The following GLIS3 variants were observed in gnomAD, a reference collection of about 807,000 sequenced individuals.
GLIS3 encodes the protein GLIS family zinc finger 3, also known as zinc finger protein GLIS3.
A neutral mutation model predicts 78.6 loss-of-function variants in GLIS3; 53 were observed. The ratio of observed to expected loss-of-function variants is 0.67; its 90% confidence interval spans 0.54 to 0.85. The LOEUF is 0.85. Ranked by LOEUF, GLIS3 falls within the 40% of genes least tolerant of loss-of-function variation. GLIS3 has a pLI of 0.00. For synonymous variants in GLIS3, 684 were observed against 509.9 expected, an observed-to-expected ratio of 1.34 and a Z score of -4.60; for missense variants, 1,703 against 1,231.1, an observed-to-expected ratio of 1.38 and a Z score of -5.74.
chr9:4,247,297 A>G (rs1216527661), intron 2 of GLIS3, among the ~76,000 whole-genome samples: 1 of 152,226 alleles, frequency 6.6e-6, no homozygotes, highest in African/African-American at 2.4e-5. Flanking sequence ...CGGTTGTTTT[A>G]AAACAAAAGT....
intron 2 of GLIS3, among the ~76,000 whole-genome samples, chr9:4,221,132 AACTC>A (rs1308030176): frequency 2.0e-5 from 3 of 152,190 alleles, no homozygotes; most frequent in African/African-American, 7.2e-5. Flanking sequence ...AAATGCCTAC[AACTC>A]ACTCTTGAAT....
intron 9 of GLIS3, among the ~76,000 whole-genome samples, chr9:3,835,109 G>A (rs1221628967): frequency 1.3e-5 from 2 of 152,216 alleles, no homozygotes; most frequent in African/African-American, 4.8e-5. Context: ...CATGATCTGT[G>A]TACTTAGTAG....
chr9:4,205,757 A>T (rs1483204846), intron 2 of GLIS3, among the ~76,000 whole-genome samples: 1 of 152,214 alleles, frequency 6.6e-6, no homozygotes, highest in African/African-American at 2.4e-5. Flanking sequence ...AAGCCAGTTA[A>T]AACTGTTCCA....
At chr9:3,909,146 G>A (rs1056659088) in intron 6 of GLIS3, among the ~76,000 whole-genome samples, 2 of 152,122 alleles carry the variant, frequency 1.3e-5, no homozygotes, top group African/African-American at 4.8e-5. Flanking sequence ...TTCCCCAGAG[G>A]GTTAAGGTTT....
the GLIS3 span, among the ~76,000 whole-genome samples, chr9:4,395,805 C>T: frequency 2.1e-5 from 3 of 141,756 alleles, no homozygotes; most frequent in South Asian, 2.2e-4. Context: ...GATGGACTCT[C>T]GCTCTGTCAC....
chr9:4,031,466 G>T (rs1823825972), intron 4 of GLIS3, among the ~76,000 whole-genome samples: 1 of 152,186 alleles, frequency 6.6e-6, no homozygotes, highest in Non-Finnish European at 1.5e-5. Context: ...CAGATTAGTA[G>T]TTGCCTGTGG....
the GLIS3 span, among the ~76,000 whole-genome samples, chr9:4,437,024 T>C: frequency 1.3e-5 from 2 of 151,942 alleles, no homozygotes; most frequent in East Asian, 3.9e-4. Context: ...AGAAGGTATC[T>C]TGAGCTGGAG....
chr9:4,267,926 A>G (rs1412918868), intron 2 of GLIS3, among the ~76,000 whole-genome samples: 4 of 149,564 alleles, frequency 2.7e-5, no homozygotes, highest in Admixed American at 6.8e-5. Flanking sequence ...GATAAGTAAA[A>G]AACAGATTAT....
At chr9:3,909,138 C>A (rs117062751) in intron 6 of GLIS3, among the ~76,000 whole-genome samples, 16 of 152,240 alleles carry the variant, frequency 1.1e-4, no homozygotes, top group Non-Finnish European at 2.2e-4. Flanking sequence ...AGGATTTTTT[C>A]CCCAGAGGGT....
chr9:4,387,996 C>G, the GLIS3 span, among the ~76,000 whole-genome samples: 3 of 152,190 alleles, frequency 2.0e-5, no homozygotes, highest in African/African-American at 7.2e-5. Flanking sequence ...TGGCAATGTT[C>G]TCTTTAACCC....
intron 2 of GLIS3, among the ~76,000 whole-genome samples, chr9:4,174,990 G>A (rs143227275): frequency 1.5e-4 from 23 of 152,346 alleles, no homozygotes; most frequent in African/African-American, 5.0e-4. Context: ...AAAGGGAAGG[G>A]ATCAGAGTGT....
intron 2 of GLIS3, among the ~76,000 whole-genome samples, chr9:4,180,683 A>G (rs931832999): frequency 1.3e-5 from 2 of 152,182 alleles, no homozygotes; most frequent in Admixed American, 6.5e-5. Flanking sequence ...TCTATCTTAT[A>G]TGCAAGCCAA....
intron 2 of GLIS3, among the ~76,000 whole-genome samples, chr9:4,262,814 T>G (rs538028610): frequency 5.9e-5 from 9 of 152,076 alleles, no homozygotes; most frequent in Admixed American, 2.0e-4. Flanking sequence ...AAAGCCCAGC[T>G]TTTCACAGAT....
intron 9 of GLIS3, among the ~76,000 whole-genome samples, chr9:3,834,139 G>A (rs1320228418): frequency 6.6e-6 from 1 of 152,044 alleles, no homozygotes; most frequent in African/African-American, 2.4e-5. Flanking sequence ...TTCTTAGAAG[G>A]CTTTTTCTTT....
At chr9:3,929,625 G>A (rs547538868) in intron 6 of GLIS3, among the ~76,000 whole-genome samples, 6 of 152,234 alleles carry the variant, frequency 3.9e-5, no homozygotes, top group South Asian at 4.2e-4. Context: ...GGGATTAGAG[G>A]CAGGCAGGCA....
At chr9:4,272,482 G>T (rs1056727523) in intron 2 of GLIS3, among the ~76,000 whole-genome samples, 2 of 152,038 alleles carry the variant, frequency 1.3e-5, no homozygotes, top group African/African-American at 4.8e-5. Flanking sequence ...CCTCCTGCCG[G>T]GTGTGCTTGG....
chr9:4,407,504 G>A, the GLIS3 span, among the ~76,000 whole-genome samples: 30 of 152,224 alleles, frequency 2.0e-4, no homozygotes, highest in African/African-American at 5.1e-4. Context: ...ACAATTAGCC[G>A]GGCGTGGTGG....
chr9:3,842,905 G>T (rs1170201918), intron 9 of GLIS3, among the ~76,000 whole-genome samples: 5 of 152,176 alleles, frequency 3.3e-5, no homozygotes, highest in African/African-American at 1.2e-4. Flanking sequence ...TTCCCCTTGG[G>T]CAGGCTCCCA....
chr9:4,126,025 A>T, intron 2 of GLIS3, 84 bp from the exon 3 acceptor site: 1 of 1,046,114 alleles, frequency 9.6e-7, no homozygotes, highest in Admixed American at 1.9e-5. Flanking sequence ...TTATATCAGG[A>T]CCCATCTTTA....
Sources: gnomAD v4.1 joint callset for allele counts (sites outside exome capture counted in the v4.1 genomes callset) on GRCh38, gnomAD v4.1.1 for gene constraint, MANE v1.5 for transcripts, NCBI Gene and HGNC (gene_info 2026-07-23, HGNC 2026-07-21) for gene names.